The following BTBD9 variants were observed in gnomAD, a reference collection of about 807,000 sequenced individuals.
The protein encoded by BTBD9 is BTB domain containing 9.
In BTBD9, 49 loss-of-function variants were observed where a neutral mutation model predicts 64.3. The ratio of observed to expected loss-of-function variants is 0.76; its 90% CI spans 0.61 to 0.97. The LOEUF is 0.97. Among genes scored for constraint, BTBD9 ranks in the 50% least tolerant of loss-of-function variants. BTBD9 has a pLI of 0.00. For synonymous variants in BTBD9, 260 were observed against 274.7 expected (o/e 0.95, Z 0.53); for missense variants, 598 against 762.1 (o/e 0.78, Z 2.53).
chr6:38,193,036 C>T (rs1762147580), intron 9 of BTBD9, among the ~76,000 whole-genome samples: 1 of 150,450 alleles, frequency 6.6e-6, no homozygotes, highest in Admixed American at 6.7e-5. Flanking sequence ...GCACATGTAT[C>T]CTAGAACTTG....
chr6:38,622,725 C>T (rs552986668), intron 1 of BTBD9, among the ~76,000 whole-genome samples: 1 of 152,298 alleles, frequency 6.6e-6, no homozygotes, highest in African/African-American at 2.4e-5. Context: ...GCCCCTGGGG[C>T]ACCTACTATC....
intron 6 of BTBD9, among the ~76,000 whole-genome samples, chr6:38,549,760 A>G (rs1774712505): frequency 6.6e-6 from 1 of 152,084 alleles, no homozygotes; most frequent in African/African-American, 2.4e-5. Context: ...TGCTGTTCCC[A>G]GTCCCTCTCT....
chr6:38,210,157 T>C (rs1762781948), intron 9 of BTBD9, among the ~76,000 whole-genome samples: 1 of 152,188 alleles, frequency 6.6e-6, no homozygotes, highest in Admixed American at 6.5e-5. Context: ...TACAGCCTCC[T>C]TGATTCCCCT....
chr6:38,288,494 A>T (rs1365501320), intron 7 of BTBD9, 33 bp from the exon 8 acceptor site: 1 of 1,591,796 alleles, frequency 6.3e-7, no homozygotes. Context: ...TGGCATCAGG[A>T]TAAGAGAAGC....
intron 6 of BTBD9, among the ~76,000 whole-genome samples, chr6:38,438,577 T>C (rs1443871675): frequency 6.6e-6 from 1 of 152,214 alleles, no homozygotes; most frequent in Non-Finnish European, 1.5e-5. Context: ...AATAAACCTT[T>C]CCGTCATTTA....
chr6:38,583,779 C>A (rs1213907005), intron 4 of BTBD9, among the ~76,000 whole-genome samples: 1 of 152,042 alleles, frequency 6.6e-6, no homozygotes, highest in Non-Finnish European at 1.5e-5. Flanking sequence ...AGATTCATTC[C>A]CTGAGAGTAT....
chr6:38,417,013 C>T lies in BTBD9; in HGVS notation c.1155-71920G>A, dbSNP rs113781428. Reference sequence around the variant, plus strand: ...GTGCAGTGGTGCAATCACAGCTCACCGTAACCTTGTCCTCCTGGGCTCAAA... The same window carrying T: ...GTGCAGTGGTGCAATCACAGCTCACTGTAACCTTGTCCTCCTGGGCTCAAA... On this transcript the variant is annotated intron_variant, in intron 6 of 10. Transcript: ENST00000481247. 7.6e-3 allele frequency among the ~76,000 whole-genome samples: 1,161 copies of T among 152,180 alleles called. 9 individuals are homozygous for T. Among genetic ancestry groups the T allele is most frequent in the African/African-American group, 0.026 (1,091 of 41,526 alleles).
At chr6:38,326,655 A>C (rs1763445762) in intron 7 of BTBD9, among the ~76,000 whole-genome samples, 2 of 150,586 alleles carry the variant, frequency 1.3e-5, no homozygotes, top group Admixed American at 1.3e-4. Flanking sequence ...GATCATGTAT[A>C]TTTTACTTGT....
chr6:38,487,700 GAA>G (rs1450183360), intron 6 of BTBD9, among the ~76,000 whole-genome samples: 1 of 151,278 alleles, frequency 6.6e-6, no homozygotes, highest in African/African-American at 2.4e-5. Context: ...GAAAAGAAAA[GAA>G]AAAAGAAAGG....
rs1221356366 is a variant in BTBD9, at chr6:38,592,620, C to T, written c.770G>A (p.Arg257Gln). The part of the protein sequence containing the change: ...PDAILDAIKV[R>Q]SESRDMDLNY... Reference sequence around the variant, plus strand: ...GAGGTCCATATCCCGGCTCTCAGATCGCACTTTAATGGCATCCAGGATGGC... The same window carrying T: ...GAGGTCCATATCCCGGCTCTCAGATTGCACTTTAATGGCATCCAGGATGGC... The change falls in exon 4 of 11, where the codon CGA (arginine) becomes CAA (glutamine). Residue 257 changes from arginine to glutamine, a missense_variant. Arg to Gln is a conservative substitution (Grantham distance 43). Transcript: ENST00000481247. 1.2e-6 allele frequency: 2 copies of T among 1,614,098 alleles called. No homozygotes were observed. Among genetic ancestry groups the T allele is most frequent in the Non-Finnish European group, 1.7e-6 (2 of 1,180,022 alleles).
At chr6:38,367,953 T>C (rs185003400) in intron 6 of BTBD9, among the ~76,000 whole-genome samples, 1 of 152,090 alleles carries the variant, frequency 6.6e-6, no homozygotes, top group Non-Finnish European at 1.5e-5. Context: ...GTGATGGTGA[T>C]GCGATAATAG....
intron 9 of BTBD9, among the ~76,000 whole-genome samples, chr6:38,228,437 T>C (rs1200150808): frequency 6.8e-6 from 1 of 148,018 alleles, no homozygotes; most frequent in Non-Finnish European, 1.5e-5. Context: ...TCAGTGTAGG[T>C]TCATCAAATG....
At chr6:38,350,869 T>C (rs969650095) in intron 6 of BTBD9, among the ~76,000 whole-genome samples, 1 of 152,240 alleles carries the variant, frequency 6.6e-6, no homozygotes, top group Non-Finnish European at 1.5e-5. Flanking sequence ...GATTCCTATT[T>C]GACCTTTTCC....
At chr6:38,454,381 A>C (rs1769694360) in intron 6 of BTBD9, among the ~76,000 whole-genome samples, 1 of 152,012 alleles carries the variant, frequency 6.6e-6, no homozygotes, top group Non-Finnish European at 1.5e-5. Context: ...CACTCTTAAG[A>C]AAATTCAAAT....
At chr6:38,619,732 C>T (rs192512680) in intron 1 of BTBD9, among the ~76,000 whole-genome samples, 191 of 152,296 alleles carry the variant, frequency 1.3e-3, no homozygotes, top group Middle Eastern at 3.4e-3. Flanking sequence ...TGTTAATCTG[C>T]CCTGGATGGC....
intron 8 of BTBD9, among the ~76,000 whole-genome samples, chr6:38,266,591 AGAAAGGAAAGAAAG>A (rs1334932854): frequency 1.7e-3 from 236 of 136,678 alleles, no homozygotes; most frequent in Admixed American, 5.8e-3. Context: ...AAGAAAGGAA[AGAAAGGAAAGAAAG>A]GAAAGAAAGA....
At position 38,492,562 on chromosome 6, in the gene BTBD9, A is replaced by C. The variant is rs114688935; in HGVS notation, c.1154+85038T>G. On this transcript the variant is annotated intron_variant, in intron 6 of 10. Coordinates refer to ENST00000481247, the MANE Select transcript of BTBD9 (RefSeq NM_001099272.2). Reference sequence around the variant, plus strand: ...TCATCCTCTCATTCATGAATTTCATAAACTCATCTCCTTAAAGTGCTACAT... The same window carrying C: ...TCATCCTCTCATTCATGAATTTCATCAACTCATCTCCTTAAAGTGCTACAT... Among the ~76,000 whole-genome samples, 477 of 152,362 alleles carry C rather than the reference A, an allele frequency of 3.1e-3. 2 individuals carry two copies. The highest frequency in any genetic ancestry group is 0.011 in the African/African-American group (457 of 41,594).
chr6:38,305,243 C>A (rs930352281), intron 7 of BTBD9, among the ~76,000 whole-genome samples: 1 of 152,022 alleles, frequency 6.6e-6, no homozygotes, highest in Non-Finnish European at 1.5e-5. Flanking sequence ...TGGGTCTTGA[C>A]CTAAACATTA....
At chr6:38,548,230 C>G (rs1406385320) in intron 6 of BTBD9, among the ~76,000 whole-genome samples, 1 of 152,200 alleles carries the variant, frequency 6.6e-6, no homozygotes, top group Non-Finnish European at 1.5e-5. Context: ...TTCAATTTCA[C>G]TCATTTTCAC....
Sources: gnomAD v4.1 joint callset for allele counts (sites outside exome capture counted in the v4.1 genomes callset) on GRCh38, gnomAD v4.1.1 for gene constraint, MANE v1.5 for transcripts, NCBI Gene and HGNC (gene_info 2026-07-23, HGNC 2026-07-21) for gene names.